Variants in NOX4 observed in about 807,000 individuals in gnomAD.
NOX4 encodes kidney oxidase-1.
A neutral mutation model predicts 87.6 loss-of-function variants in NOX4; 69 were observed. That is an observed-to-expected ratio of 0.79 (90% CI 0.65 to 0.96). The LOEUF is 0.96. Ranked by LOEUF, NOX4 falls within the 40% of genes least tolerant of loss-of-function variation. NOX4 has a pLI of 0.00. For missense variants in NOX4, 680 were observed against 681.5 expected (o/e 1.00, Z 0.02); for synonymous variants, 275 against 238.2 (o/e 1.15, Z -1.42).
intron 12 of NOX4, among the ~76,000 whole-genome samples, chr11:89,356,113 G>A (rs952741818): frequency 2.6e-5 from 4 of 152,020 alleles, no homozygotes; most frequent in Non-Finnish European, 5.9e-5. Flanking sequence ...TATTATTTAA[G>A]TATGATATAT....
At chr11:89,400,915 T>C (rs986539603) in intron 9 of NOX4, among the ~76,000 whole-genome samples, 3 of 151,684 alleles carry the variant, frequency 2.0e-5, no homozygotes, top group African/African-American at 4.8e-5. Flanking sequence ...AGGCATGTTG[T>C]TTACCACTTA....
chr11:89,352,329 G>A (rs1946495676), intron 13 of NOX4, among the ~76,000 whole-genome samples: 1 of 152,046 alleles, frequency 6.6e-6, no homozygotes, highest in Non-Finnish European at 1.5e-5. Context: ...TGATGTAGAT[G>A]TACAAGGAGA....
chr11:89,458,834 G>A (rs546252436), intron 2 of NOX4, among the ~76,000 whole-genome samples: 2 of 152,212 alleles, frequency 1.3e-5, no homozygotes, highest in African/African-American at 4.8e-5. Context: ...AGAGAAAAGG[G>A]AACACTTACA....
intron 13 of NOX4, among the ~76,000 whole-genome samples, chr11:89,354,681 G>T (rs1443490089): frequency 6.6e-6 from 1 of 152,136 alleles, no homozygotes; most frequent in Non-Finnish European, 1.5e-5. Context: ...ATGACATCAA[G>T]CAAAAAGAAC....
At chr11:89,342,659 A>T (rs1946056805) in intron 13 of NOX4, among the ~76,000 whole-genome samples, 1 of 152,168 alleles carries the variant, frequency 6.6e-6, no homozygotes, top group African/African-American at 2.4e-5. Flanking sequence ...AAATAGCAGG[A>T]GTAAGGAAAA....
At chr11:89,408,804 T>G (rs1191217217) in intron 8 of NOX4, among the ~76,000 whole-genome samples, 3 of 152,208 alleles carry the variant, frequency 2.0e-5, no homozygotes, top group Admixed American at 1.3e-4. Context: ...ATTGGTTTAC[T>G]GCTCTGTTGT....
chr11:89,368,239 C>A (rs1171790904), intron 12 of NOX4, among the ~76,000 whole-genome samples: 1 of 152,078 alleles, frequency 6.6e-6, no homozygotes, highest in Non-Finnish European at 1.5e-5. Flanking sequence ...ACTTTACATA[C>A]AAACTTCTTA....
At chr11:89,365,842 C>A (rs1336253098) in intron 12 of NOX4, among the ~76,000 whole-genome samples, 1 of 150,316 alleles carries the variant, frequency 6.7e-6, no homozygotes, top group Non-Finnish European at 1.5e-5. Flanking sequence ...AAATCAATGC[C>A]ATGCAATATA....
chr11:89,472,410 GA>G lies in NOX4; in HGVS notation c.153+18047del, dbSNP rs891066604. 3.3e-5 allele frequency among the ~76,000 whole-genome samples: 5 copies of G among 150,022 alleles called. No individual in the cohort carries two copies. In the South Asian group the frequency reaches 8.4e-4, roughly 25 times the overall value. ...TCCAAAAGAAGCTATCAATTCTAAA[GA>G]AAAAAAAGGTGTAATTTTTTTTTCA... On this transcript the variant is annotated intron_variant, in intron 2 of 17. Coordinates refer to ENST00000263317, the MANE Select transcript of NOX4 (RefSeq NM_016931.5).
At chr11:89,467,349 C>CAAAAAAAAAAAAA (rs71052233) in intron 2 of NOX4, among the ~76,000 whole-genome samples, 18 of 61,464 alleles carry the variant, frequency 2.9e-4, no homozygotes, top group African/African-American at 9.6e-4. Flanking sequence ...AAACTCGTCA[C>CAAAAAAAAAAAAA]AAAAAAAAAA....
intron 7 of NOX4, among the ~76,000 whole-genome samples, chr11:89,425,326 A>C (rs998157071): frequency 1.8e-4 from 28 of 151,686 alleles, no homozygotes; most frequent in Non-Finnish European, 1.3e-4. Context: ...GCTATTCTAC[A>C]TCTAAGAATT....
At chr11:89,348,556 G>T (rs570002997) in intron 13 of NOX4, among the ~76,000 whole-genome samples, 267 of 152,276 alleles carry the variant, frequency 1.8e-3, no homozygotes, top group Middle Eastern at 3.4e-3. Flanking sequence ...TGTTGAGGCT[G>T]CAGTGGGCTG....
the NOX4 span, among the ~76,000 whole-genome samples, chr11:89,554,663 A>T: frequency 1.3e-5 from 2 of 152,158 alleles, no homozygotes; most frequent in Non-Finnish European, 2.9e-5. Context: ...GGTGGATTAA[A>T]TATCTTTCTA....
At chr11:89,336,342 T>C (rs1421794134) in intron 16 of NOX4, among the ~76,000 whole-genome samples, 4 of 151,926 alleles carry the variant, frequency 2.6e-5, no homozygotes, top group South Asian at 2.1e-4. Context: ...TGAATTCTAA[T>C]TGGTCAATCT....
At chr11:89,446,550 C>A (rs1177690581) in intron 4 of NOX4, among the ~76,000 whole-genome samples, 4 of 151,682 alleles carry the variant, frequency 2.6e-5, no homozygotes, top group Admixed American at 6.6e-5. Context: ...AAAAGATGAA[C>A]TCTCAAGCCA....
the NOX4 span, among the ~76,000 whole-genome samples, chr11:89,525,165 T>C: frequency 6.6e-6 from 1 of 152,102 alleles, no homozygotes; most frequent in Non-Finnish European, 1.5e-5. Context: ...TATGAACATT[T>C]GTATACAAAT....
the NOX4 span, among the ~76,000 whole-genome samples, chr11:89,506,301 A>AAAG: frequency 7.4e-6 from 1 of 134,284 alleles, no homozygotes; most frequent in Non-Finnish European, 1.6e-5. Flanking sequence ...GAAAGAAAGA[A>AAAG]AGAGAGAGAA....
intron 11 of NOX4, among the ~76,000 whole-genome samples, chr11:89,394,794 T>C (rs1941362556): frequency 6.6e-6 from 1 of 152,180 alleles, no homozygotes; most frequent in Non-Finnish European, 1.5e-5. Context: ...AGAATGATGG[T>C]TTCCAGCTTC....
intron 2 of NOX4, among the ~76,000 whole-genome samples, chr11:89,489,543 C>A (rs1030921016): frequency 6.6e-6 from 1 of 151,904 alleles, no homozygotes; most frequent in African/African-American, 2.4e-5. Flanking sequence ...GCCTGACCAA[C>A]ATGGTGAAAC....
Sources: allele counts gnomAD v4.1 joint callset (sites outside exome capture counted in the v4.1 genomes callset), GRCh38; gene constraint gnomAD v4.1.1; transcripts MANE v1.5; gene names NCBI Gene and HGNC (gene_info 2026-07-23, HGNC 2026-07-21).